The following ZNF146 variants were observed in gnomAD, a reference collection of about 807,000 sequenced individuals.
ZNF146 encodes zinc finger protein OZF.
A neutral mutation model predicts 22.2 loss-of-function variants in ZNF146; 9 were observed. The ratio of observed to expected loss-of-function variants is 0.41; its 90% CI spans 0.24 to 0.71. The LOEUF (loss-of-function observed/expected upper bound fraction) is 0.71, where lower values mean the gene tolerates loss of function less well. ZNF146 is among the 30% of genes least tolerant of loss of function. The probability of loss-of-function intolerance (pLI) is 0.34; values close to 1 mark genes in which losing one functional copy is unlikely to be tolerated. For missense variants in ZNF146, 194 were observed against 344.8 expected (o/e 0.56, Z 3.46); for synonymous variants, 108 against 119.2 (o/e 0.91, Z 0.61).
At chr19:36,235,296 A>G (rs10414444) in intron 3 of ZNF146, among the ~76,000 whole-genome samples, 6,189 of 151,540 alleles carry the variant, frequency 0.041, 397 homozygotes, top group African/African-American at 0.14. Context: ...TTTTTCTTCT[A>G]TTTGGCAATT....
intron 3 of ZNF146, among the ~76,000 whole-genome samples, chr19:36,231,597 T>C (rs1977373816): frequency 6.6e-6 from 1 of 152,220 alleles, no homozygotes; most frequent in African/African-American, 2.4e-5. Context: ...TTTACCTGTT[T>C]ATGGGACAGA....
In ZNF146 at chr19:36,237,379, G is replaced by A. The variant is rs991534309; in HGVS notation, c.*60G>A. On this transcript the variant is annotated 3_prime_UTR_variant, in exon 4 of 4. Coordinates refer to ENST00000443387, the MANE Select transcript of ZNF146 (RefSeq NM_007145.3). Reference sequence around the variant, plus strand: ...TCATTAGAAATTTGCACCTCATCATGCCCCAGAAATAATCCTTCTGAAGCA... The same window carrying A: ...TCATTAGAAATTTGCACCTCATCATACCCCAGAAATAATCCTTCTGAAGCA... 3 of 1,524,680 alleles carry A rather than the reference G, an allele frequency of 2.0e-6. No homozygotes were observed. The highest frequency in any genetic ancestry group is 2.6e-6 in the Non-Finnish European group (3 of 1,137,626). The allele number at this position is 1,524,680 out of a possible 1,614,324, so 94.4% of individuals were successfully genotyped here.
intron 2 of ZNF146, among the ~76,000 whole-genome samples, chr19:36,226,288 C>T (rs1030278977): frequency 3.3e-5 from 5 of 152,196 alleles, no homozygotes; most frequent in African/African-American, 4.8e-5. Context: ...CTCACCTTCT[C>T]GTGTTTCTGT....
rs1395377871 is a variant in ZNF146, at chr19:36,218,103, T to C, written c.-928-19T>C. ...TACAGGCATGAGCTAATTTTTTTTT[T>C]TTTTTTTTTAAATTAAAGGAAGACA... On this transcript the variant is annotated intron_variant, in intron 1 of 3. Coordinates refer to ENST00000443387, the MANE Select transcript of ZNF146 (RefSeq NM_007145.3). 2 of 114,146 alleles carry C rather than the reference T, an allele frequency of 1.8e-5. No individual in the cohort carries two copies. The highest frequency in any genetic ancestry group is 3.3e-5 in the African/African-American group (1 of 30,742). The allele number at this position is 114,146 out of a possible 1,614,324, so 7.1% of individuals were successfully genotyped here.
chr19:36,218,823 G>T (rs1319009108), intron 2 of ZNF146, among the ~76,000 whole-genome samples: 2 of 142,424 alleles, frequency 1.4e-5, no homozygotes, highest in Non-Finnish European at 3.0e-5. Context: ...TTTTGGTGGA[G>T]GGGGGGACAG....
intron 3 of ZNF146, among the ~76,000 whole-genome samples, 152 bp downstream of exon 3, chr19:36,228,971 TTG>T (rs1167727504): frequency 1.2e-4 from 18 of 152,208 alleles, no homozygotes; most frequent in African/African-American, 3.4e-4. Context: ...GTCATCATTT[TTG>T]TGTGTTTCAT....
intron 3 of ZNF146, among the ~76,000 whole-genome samples, chr19:36,230,448 A>G (rs1027845497): frequency 1.3e-5 from 2 of 152,214 alleles, no homozygotes; most frequent in Non-Finnish European, 2.9e-5. Flanking sequence ...TATGGAAAAG[A>G]ATAAAGTAAG....
Position 36,232,609 on chromosome 19 carries a change from CTTTTTT to C in ZNF146, c.-782-3041_-782-3036del, listed in dbSNP as rs548903056. Among the ~76,000 whole-genome samples the C allele has an allele frequency of 1.6e-4, 23 of 140,084 alleles. No homozygotes were observed. In the East Asian group the frequency reaches 4.3e-3, roughly 26 times the overall value. The allele number at this position is 140,084 out of a possible 152,430, so 91.9% of individuals were successfully genotyped here. A position where few individuals can be genotyped will look rare whatever the true frequency, so the allele number is the denominator to read the frequency against. On this transcript the variant is annotated intron_variant, in intron 3 of 3. Transcript: ENST00000443387. ...ACTGATCAGTTCTTTTTTCTTTTTT[CTTTTTT>C]TTTTTTTTCCCGAGACATAGTCTCC...
intron 2 of ZNF146, among the ~76,000 whole-genome samples, chr19:36,223,228 T>G: frequency 6.6e-6 from 1 of 151,432 alleles, no homozygotes; most frequent in Non-Finnish European, 1.5e-5. Context: ...ACTAGCCCGG[T>G]CAACATGGTG....
At chr19:36,217,800 G>A (rs1200720387) in intron 1 of ZNF146, among the ~76,000 whole-genome samples, 2 of 151,512 alleles carry the variant, frequency 1.3e-5, no homozygotes, top group Non-Finnish European at 1.5e-5. Flanking sequence ...CAAGATAATT[G>A]CTTGAACCCG....
intron 3 of ZNF146, among the ~76,000 whole-genome samples, chr19:36,229,373 C>CTACT (rs1977221564): frequency 6.6e-6 from 1 of 152,118 alleles, no homozygotes; most frequent in African/African-American, 2.4e-5. Context: ...TTTCCCTCTG[C>CTACT]TACTTTTATG....
chr19:36,228,158 CAAAAAAAA>C (rs71171422), intron 2 of ZNF146, among the ~76,000 whole-genome samples: 1 of 106,644 alleles, frequency 9.4e-6, no homozygotes, highest in Non-Finnish European at 1.8e-5. Context: ...GAAACTGTCT[CAAAAAAAA>C]AAAAAAAAAA....
rs551721975 is a variant in ZNF146, at chr19:36,234,500, A to T, written c.-782-1159A>T. On this transcript the variant is annotated intron_variant, in intron 3 of 3. Coordinates refer to ENST00000443387, the MANE Select transcript of ZNF146 (RefSeq NM_007145.3). ...CCCAGAATGCCTTCCATAGTTTTTT[A>T]AAATTACAGAATGTAATCAGGGTTC... Among the ~76,000 whole-genome samples the T allele has an allele frequency of 1.5e-4, 23 of 152,338 alleles. No individual in the cohort carries two copies. The South Asian group carries it at 4.8e-3, about 32-fold the overall frequency.
At chr19:36,231,067 G>A (rs1599984956) in intron 3 of ZNF146, among the ~76,000 whole-genome samples, 1 of 152,068 alleles carries the variant, frequency 6.6e-6, no homozygotes, top group Non-Finnish European at 1.5e-5. Flanking sequence ...TTATTCCTAG[G>A]TTACCTCAAG....
chr19:36,218,994 G>A (rs180840344), intron 2 of ZNF146, among the ~76,000 whole-genome samples: 2,200 of 150,910 alleles, frequency 0.015, 49 homozygotes, highest in African/African-American at 0.05. Context: ...ATTTTTAGTA[G>A]AGACGGGATT....
In ZNF146 at chr19:36,218,196, G is replaced by C. The variant is rs1298620110; in HGVS notation, c.-855+1G>C. 1 of 151,002 alleles carries C rather than the reference G, an allele frequency of 6.6e-6. No homozygotes were observed. Among genetic ancestry groups the C allele is most frequent in the Non-Finnish European group, 1.5e-5 (1 of 67,932 alleles). 9.4% of individuals were successfully genotyped at this position (151,002 alleles called of 1,614,324 possible). A position where few individuals can be genotyped will look rare whatever the true frequency, so the allele number is the denominator to read the frequency against. On this transcript the variant is annotated splice_donor_variant, in intron 2 of 3. Transcript: ENST00000443387. LOFTEE classifies it low-confidence loss of function (5UTR_SPLICE). ...CCACTTTTTACCTTGGGGACCTCAG[G>C]TAGGTACTTAAACCTTGGGCCTCAG...
At chr19:36,230,258 A>G (rs936091639) in intron 3 of ZNF146, among the ~76,000 whole-genome samples, 3 of 152,242 alleles carry the variant, frequency 2.0e-5, no homozygotes, top group African/African-American at 7.2e-5. Flanking sequence ...CCAAGCTGAT[A>G]TATTCACATC....
intron 3 of ZNF146, among the ~76,000 whole-genome samples, chr19:36,234,139 A>G (rs1335068464): frequency 6.6e-6 from 1 of 152,210 alleles, no homozygotes; most frequent in African/African-American, 2.4e-5. Flanking sequence ...CATCCTGCAC[A>G]GCCCTTAATC....
At chr19:36,222,011 C>T (rs1050795102) in intron 2 of ZNF146, among the ~76,000 whole-genome samples, 4 of 148,228 alleles carry the variant, frequency 2.7e-5, no homozygotes, top group Admixed American at 2.1e-4. Flanking sequence ...CATACTGCAG[C>T]CTCCAACTGC....
Sources: allele counts gnomAD v4.1 joint callset (sites outside exome capture counted in the v4.1 genomes callset), GRCh38; gene constraint gnomAD v4.1.1; transcripts MANE v1.5; gene names NCBI Gene and HGNC (gene_info 2026-07-23, HGNC 2026-07-21).